TBC1D30: variants seen among roughly 807,000 people sequenced by gnomAD.
TBC1D30 encodes TBC1 domain family, member 30.
Under a neutral mutation model 63.2 loss-of-function variants are expected in TBC1D30, and 31 were observed. The observed-to-expected ratio is 0.49, with a 90% CI of 0.37 to 0.66. The LOEUF (loss-of-function observed/expected upper bound fraction) is 0.66. TBC1D30 is among the 30% of genes least tolerant of loss of function. The pLI, the probability that TBC1D30 is intolerant of heterozygous loss-of-function variation, is 0.00. For synonymous variants in TBC1D30, 307 were observed against 361.5 expected (o/e 0.85, Z 1.71); for missense variants, 810 against 953.6 (o/e 0.85, Z 1.98).
chr12:64,850,428 T>G (rs1013699317), intron 8 of TBC1D30, among the ~76,000 whole-genome samples: 4 of 152,218 alleles, frequency 2.6e-5, no homozygotes, highest in Non-Finnish European at 4.4e-5. Flanking sequence ...TAAATAGCTC[T>G]TATTATTTTG....
intron 2 of TBC1D30, among the ~76,000 whole-genome samples, chr12:64,794,610 T>G (rs2136307056): frequency 6.6e-6 from 1 of 152,182 alleles, no homozygotes; most frequent in East Asian, 1.9e-4. Context: ...ATTTTTGTAT[T>G]TTTTGTAGAG....
upstream of TBC1D30, among the ~76,000 whole-genome samples, chr12:64,821,311 G>A (rs1047565322): frequency 3.9e-5 from 6 of 152,334 alleles, no homozygotes; most frequent in Non-Finnish European, 7.3e-5. Context: ...TGAGCATGAC[G>A]TCAGAGCCAA....
chr12:64,851,678 T>A (rs1876884424), intron 8 of TBC1D30, among the ~76,000 whole-genome samples: 1 of 152,190 alleles, frequency 6.6e-6, no homozygotes. Context: ...TTCCTTTCCA[T>A]ATTTAGTGCT....
intron 2 of TBC1D30, among the ~76,000 whole-genome samples, chr12:64,828,218 T>C (rs1260915493): frequency 6.6e-6 from 1 of 152,220 alleles, no homozygotes; most frequent in Non-Finnish European, 1.5e-5. Context: ...CCATTTTGTT[T>C]GTACTGCAAA....
At chr12:64,809,849 G>T (rs1018145760) in intron 2 of TBC1D30, among the ~76,000 whole-genome samples, 1 of 152,080 alleles carries the variant, frequency 6.6e-6, no homozygotes, top group Non-Finnish European at 1.5e-5. Context: ...CCCCCAGATG[G>T]TTTATTATTA....
intron 2 of TBC1D30, among the ~76,000 whole-genome samples, chr12:64,792,128 T>C (rs1871959756): frequency 6.6e-6 from 1 of 152,198 alleles, no homozygotes; most frequent in South Asian, 2.1e-4. Context: ...TATTATAGAA[T>C]GTATCATAAA....
chr12:64,767,796 G>GC (rs1313829008), intron 1 of TBC1D30, among the ~76,000 whole-genome samples: 6 of 111,840 alleles, frequency 5.4e-5, no homozygotes, highest in Non-Finnish European at 1.2e-4. Context: ...GGCGGGGGGG[G>GC]GGGGAGGGGG....
intron 7 of TBC1D30, among the ~76,000 whole-genome samples, chr12:64,839,100 C>CTCTTTG (rs1448560550): frequency 7.2e-5 from 11 of 152,314 alleles, no homozygotes; most frequent in African/African-American, 2.2e-4. Flanking sequence ...GGCTGGTTCA[C>CTCTTTG]TCTTTGTCAG....
upstream of TBC1D30, among the ~76,000 whole-genome samples, chr12:64,823,584 C>T (rs1369451208): frequency 6.6e-6 from 1 of 152,186 alleles, no homozygotes; most frequent in Admixed American, 6.5e-5. Flanking sequence ...GCCTTGACTT[C>T]CCAAAGTGCT....
chr12:64,776,468 T>C (rs901742902), upstream of TBC1D30, among the ~76,000 whole-genome samples: 1 of 152,168 alleles, frequency 6.6e-6, no homozygotes, highest in African/African-American at 2.4e-5. Context: ...CATCATAGAA[T>C]AGTATGAATA....
chr12:64,777,037 G>T (rs976866214), upstream of TBC1D30, among the ~76,000 whole-genome samples: 13 of 152,176 alleles, frequency 8.5e-5, no homozygotes, highest in Admixed American at 8.5e-4. Flanking sequence ...TGCAGAAAAA[G>T]CTTTCGATAA....
At chr12:64,819,179 G>A (rs530282731) in intron 2 of TBC1D30, among the ~76,000 whole-genome samples, 1 of 152,212 alleles carries the variant, frequency 6.6e-6, no homozygotes, top group African/African-American at 2.4e-5. Context: ...TGTCTTAAAG[G>A]ATGCCTGTAT....
chr12:64,863,225 C>G (rs1877941246), intron 8 of TBC1D30, among the ~76,000 whole-genome samples: 1 of 152,310 alleles, frequency 6.6e-6, no homozygotes, highest in East Asian at 1.9e-4. Flanking sequence ...GGAAAACACC[C>G]TCATATAACT....
chr12:64,796,546 C>T (rs1308580695), intron 2 of TBC1D30, among the ~76,000 whole-genome samples: 1 of 151,984 alleles, frequency 6.6e-6, no homozygotes, highest in Non-Finnish European at 1.5e-5. Flanking sequence ...AGATAGACAC[C>T]ATATGAAAGA....
At chr12:64,800,907 G>A (rs1233369775) in intron 2 of TBC1D30, among the ~76,000 whole-genome samples, 2 of 152,118 alleles carry the variant, frequency 1.3e-5, no homozygotes, top group African/African-American at 2.4e-5. Context: ...TGCAATGGTG[G>A]GGACAGAAGC....
At chr12:64,830,596 T>C in intron 4 of TBC1D30, 94 bp downstream of exon 4, 1 of 1,186,298 alleles carries the variant, frequency 8.4e-7, no homozygotes, top group African/African-American at 1.5e-5. Flanking sequence ...GATCTCTACC[T>C]TCTGGTTTGA....
intron 2 of TBC1D30, chr12:64,818,425 A>T: frequency 1.0e-6 from 1 of 983,468 alleles, no homozygotes; most frequent in Non-Finnish European, 1.2e-6. Context: ...CTACTCACTC[A>T]GTAAACTGTA....
intron 2 of TBC1D30, among the ~76,000 whole-genome samples, chr12:64,816,681 G>A (rs2136337837): frequency 1.3e-5 from 2 of 152,342 alleles, no homozygotes; most frequent in South Asian, 4.1e-4. Context: ...CTCCAAAGCA[G>A]AGGACATTTA....
chr12:64,772,950 A>G (rs191248786), intron 1 of TBC1D30, among the ~76,000 whole-genome samples: 1 of 152,386 alleles, frequency 6.6e-6, no homozygotes, highest in African/African-American at 2.4e-5. Flanking sequence ...AATAATAATT[A>G]AGTAGTAAAC....
Sources: allele counts gnomAD v4.1 joint callset (sites outside exome capture counted in the v4.1 genomes callset), GRCh38; gene constraint gnomAD v4.1.1; transcripts MANE v1.5; gene names NCBI Gene and HGNC (gene_info 2026-07-23, HGNC 2026-07-21).